Variants in USP28 observed in about 807,000 individuals in gnomAD.
USP28 encodes the protein ubiquitin carboxyl-terminal hydrolase 28.
Under a neutral mutation model 145.0 loss-of-function variants are expected in USP28, and 113 were observed. That is an observed-to-expected ratio of 0.78 (90% CI 0.67 to 0.91). USP28 has a LOEUF of 0.91. Ranked by LOEUF, USP28 falls within the 40% of genes least tolerant of loss-of-function variation. The pLI, the probability that USP28 is intolerant of heterozygous loss-of-function variation, is 0.00. For missense variants in USP28, 1,201 were observed against 1,289.6 expected (o/e 0.93, Z 1.05); for synonymous variants, 447 against 450.9 (o/e 0.99, Z 0.11).
Position 113,809,218 on chromosome 11 carries a change from A to G in USP28, c.2009T>C (p.Val670Ala), listed in dbSNP as rs565353453. The G allele has an allele frequency of 8.7e-6, 14 of 1,614,206 alleles. No homozygotes were observed. Among genetic ancestry groups the G allele is most frequent in the South Asian group, 1.1e-5 (1 of 91,080 alleles). The change falls in exon 17 of 25, where the codon GTG becomes GCG. Residue 670 changes from valine (V) to alanine (A), a missense_variant. Transcript: ENST00000003302. ...CTTGAGTTCCACAGATAGGGCTTCC[A>G]CTTCTGACATTTGATCTGATTCAGT...
At chr11:113,816,857 C>T (rs1193886870) in intron 13 of USP28, among the ~76,000 whole-genome samples, 1 of 152,196 alleles carries the variant, frequency 6.6e-6, no homozygotes, top group African/African-American at 2.4e-5. Flanking sequence ...AGCAGCCCCA[C>T]TCCTATCCCC....
At chr11:113,845,943 G>A (rs1945793441) in intron 3 of USP28, among the ~76,000 whole-genome samples, 1 of 152,108 alleles carries the variant, frequency 6.6e-6, no homozygotes, top group Non-Finnish European at 1.5e-5. Flanking sequence ...AGAGCCAAGA[G>A]GTGGAAACAA....
chr11:113,817,966 A>T (rs551570864), intron 12 of USP28, 129 bp from the exon 13 acceptor site: 1 of 936,752 alleles, frequency 1.1e-6, no homozygotes, highest in Admixed American at 2.7e-5. Context: ...ACAATATTTA[A>T]TAGGGTCCTC....
intron 5 of USP28, 97 bp downstream of exon 5, chr11:113,840,501 C>G (rs185125774): frequency 1.4e-6 from 2 of 1,427,352 alleles, no homozygotes; most frequent in African/African-American, 1.5e-5. Flanking sequence ...TTTTAAATAT[C>G]TATTTTAATC....
intron 1 of USP28, among the ~76,000 whole-genome samples, chr11:113,864,661 G>C (rs186560377): frequency 2.4e-4 from 37 of 152,268 alleles, no homozygotes; most frequent in African/African-American, 8.2e-4. Flanking sequence ...CAGCATTTTT[G>C]TTCTATTCAG....
At chr11:113,859,435 G>A (rs1371859781) in intron 1 of USP28, 2 of 152,004 alleles carry the variant, frequency 1.3e-5, no homozygotes, top group African/African-American at 4.8e-5. Flanking sequence ...AATTCATGAA[G>A]TGTTCCATAA....
At chr11:113,867,483 G>T in intron 1 of USP28, among the ~76,000 whole-genome samples, 1 of 151,656 alleles carries the variant, frequency 6.6e-6, no homozygotes, top group East Asian at 1.9e-4. Context: ...GGCCAGGCTG[G>T]TCTTGAATTC....
At chr11:113,861,123 C>CAAA (rs1166313897) in intron 1 of USP28, among the ~76,000 whole-genome samples, 1 of 88,214 alleles carries the variant, frequency 1.1e-5, no homozygotes. Flanking sequence ...GACTACACCT[C>CAAA]AAAAAAAAAA....
chr11:113,820,624 G>A (rs1472779307), intron 12 of USP28, among the ~76,000 whole-genome samples: 1 of 152,190 alleles, frequency 6.6e-6, no homozygotes, highest in Non-Finnish European at 1.5e-5. Flanking sequence ...AAGACACAGG[G>A]CTGGTTCTGA....
At chr11:113,811,453 C>T (rs559237941) in intron 16 of USP28, among the ~76,000 whole-genome samples, 2 of 152,078 alleles carry the variant, frequency 1.3e-5, no homozygotes, top group Non-Finnish European at 1.5e-5. Flanking sequence ...TTTGAGAGGC[C>T]GAAGCAGGCA....
In USP28 at chr11:113,849,373, G is replaced by T. The variant is rs115287469; in HGVS notation, c.268+3128C>A. Among the ~76,000 whole-genome samples, 384 of 152,300 alleles carry T rather than the reference G, an allele frequency of 2.5e-3. 4 individuals carry two copies. Among genetic ancestry groups the T allele is most frequent in the African/African-American group, 8.8e-3 (364 of 41,566 alleles). ...CTATTTGGAAGGAAGGACGCCAATG[G>T]GATCAAAGAAGGTAAAAACAAATCA... On this transcript the variant is annotated intron_variant, in intron 3 of 24. Coordinates refer to ENST00000003302, the Ensembl canonical transcript of USP28.
chr11:113,803,910 A>T, intron 21 of USP28, 33 bp from the exon 23 acceptor site: 1 of 1,570,434 alleles, frequency 6.4e-7, no homozygotes, highest in Non-Finnish European at 8.7e-7. Flanking sequence ...AATAATCATG[A>T]TCATAATAGA....
chr11:113,812,458 T>C (rs370453360), exon 16 of USP28: 41 of 1,613,982 alleles, frequency 2.5e-5, no homozygotes, highest in Non-Finnish European at 3.3e-5. Context: ...GTGTCCAGCA[T>C]TTGCTTGTCC....
chr11:113,854,951 G>A (rs1043741615), intron 1 of USP28, among the ~76,000 whole-genome samples: 2 of 152,166 alleles, frequency 1.3e-5, no homozygotes, highest in African/African-American at 4.8e-5. Flanking sequence ...ATTAAGTAGG[G>A]CATATAAGGA....
intron 16 of USP28, among the ~76,000 whole-genome samples, chr11:113,811,733 A>G (rs1258925663): frequency 1.3e-5 from 2 of 152,158 alleles, no homozygotes; most frequent in Non-Finnish European, 2.9e-5. Flanking sequence ...AAAGGGTGCA[A>G]AAATATATGT....
Position 113,829,544 on chromosome 11 carries a change from G to T in USP28, c.911-199C>A, listed in dbSNP as rs1943745745. On this transcript the variant is annotated intron_variant, in intron 9 of 24. Coordinates refer to ENST00000003302, the Ensembl canonical transcript of USP28. ...ATGAAAACCAGTAACACTGGAAAAA[G>T]ACCAGGGGCTTCGTGGCTTATGCCT... is the stretch of plus-strand genomic sequence containing the variant. 1.5e-5 allele frequency: 9 copies of T among 617,810 alleles called. No homozygotes were observed. The South Asian group carries it at 2.0e-4, about 14-fold the overall frequency. 38.3% of individuals were successfully genotyped at this position (617,810 alleles called of 1,614,324 possible).
chr11:113,812,326 C>T lies in USP28; in HGVS notation c.1922G>A (p.Ser641Asn). 3 of 1,614,134 alleles carry T rather than the reference C, an allele frequency of 1.9e-6. No individual in the cohort carries two copies. The highest frequency in any genetic ancestry group is 2.5e-6 in the Non-Finnish European group (3 of 1,180,024). The stretch of plus-strand genomic sequence containing the variant: ...ATTAATGTACATCAGACAGTAAGCA[C>T]TAACATTTCTCAGGCCTCCATAGGA... The change falls in exon 16 of 25, where the codon AGT (serine) becomes AAT (asparagine). Residue 641 changes from serine to asparagine, a missense_variant. Physicochemically the swap from Ser to Asn is conservative, Grantham distance 46. Transcript: ENST00000003302.
exon 12 of USP28, chr11:113,823,689 C>T: frequency 6.2e-7 from 1 of 1,609,524 alleles, no homozygotes; most frequent in Non-Finnish European, 8.5e-7. Flanking sequence ...CTCCTTGCTC[C>T]TGTACATGTA....
intron 4 of USP28, among the ~76,000 whole-genome samples, chr11:113,841,219 C>T (rs1390109122): frequency 6.6e-6 from 1 of 152,170 alleles, no homozygotes; most frequent in Non-Finnish European, 1.5e-5. Flanking sequence ...TAGGCCACCA[C>T]TGGAACTGGA....
Sources: allele counts gnomAD v4.1 joint callset (sites outside exome capture counted in the v4.1 genomes callset), GRCh38; gene constraint gnomAD v4.1.1; transcripts MANE v1.5; gene names NCBI Gene and HGNC (gene_info 2026-07-23, HGNC 2026-07-21).